CACNA2D3: variants seen among roughly 807,000 people sequenced by gnomAD.
The protein encoded by CACNA2D3 is voltage-dependent calcium channel subunit alpha-2/delta-3.
A neutral mutation model predicts 160.6 loss-of-function variants in CACNA2D3; 60 were observed. The observed-to-expected ratio is 0.37, with a 90% CI of 0.30 to 0.46. The LOEUF is 0.46. Ranked by LOEUF, CACNA2D3 falls within the 20% of genes least tolerant of loss-of-function variation. The pLI is 1.00. For synonymous variants in CACNA2D3, 558 were observed against 492.9 expected (o/e 1.13, Z -1.75); for missense variants, 1,205 against 1,365.0 (o/e 0.88, Z 1.85).
chr3:54,928,034 C>T, intron 27 of CACNA2D3: 1 of 885,376 alleles, frequency 1.1e-6, no homozygotes. Context: ...TGAACCCTGC[C>T]CTTGCTTTTC....
At chr3:54,249,649 C>G (rs1364859090) in intron 2 of CACNA2D3, among the ~76,000 whole-genome samples, 4 of 132,756 alleles carry the variant, frequency 3.0e-5, no homozygotes, top group African/African-American at 9.7e-5. Context: ...TAGAACAAAT[C>G]TCTCTGTTTA....
chr3:54,284,630 A>G (rs1702964010), intron 2 of CACNA2D3, among the ~76,000 whole-genome samples: 1 of 152,192 alleles, frequency 6.6e-6, no homozygotes, highest in African/African-American at 2.4e-5. Flanking sequence ...GTCTTGATGA[A>G]CAGTGTGAGA....
At chr3:54,403,850 A>G (rs189476595) in intron 4 of CACNA2D3, among the ~76,000 whole-genome samples, 114 of 152,320 alleles carry the variant, frequency 7.5e-4, no homozygotes, top group South Asian at 2.3e-3. Context: ...ATAAGTAACT[A>G]TTAAGAACAA....
At chr3:54,925,199 A>G in intron 27 of CACNA2D3, 1 of 1,611,768 alleles carries the variant, frequency 6.2e-7, no homozygotes, top group Non-Finnish European at 8.5e-7. Flanking sequence ...TCACACTGGA[A>G]AACAGGAGCA....
At position 54,451,229 on chromosome 3, in the gene CACNA2D3, CTTTTTT is replaced by C. The variant is rs71074970; in HGVS notation, c.382-52236_382-52231del. On this transcript the variant is annotated intron_variant, in intron 4 of 37. Coordinates refer to ENST00000474759, the MANE Select transcript of CACNA2D3 (RefSeq NM_018398.3). ...TGTCCCTTTCTGCTGATATAATAAT[CTTTTTT>C]TTTTTTTTTTTTTTTTTTTTTTTTT... Among the ~76,000 whole-genome samples, 136 of 51,712 alleles carry C rather than the reference CTTTTTT, an allele frequency of 2.6e-3. No homozygotes were observed. In the East Asian group the frequency reaches 0.067, roughly 26 times the overall value. 33.9% of individuals were successfully genotyped at this position (51,712 alleles called of 152,430 possible). A position where few individuals can be genotyped will look rare whatever the true frequency, so the allele number is the denominator to read the frequency against.
chr3:54,919,922 C>A (rs1051365775), intron 27 of CACNA2D3, among the ~76,000 whole-genome samples: 2 of 152,174 alleles, frequency 1.3e-5, no homozygotes, highest in Admixed American at 6.5e-5. Flanking sequence ...CTCGCCACAT[C>A]CTCCTCTCAG....
intron 34 of CACNA2D3, among the ~76,000 whole-genome samples, chr3:55,012,268 A>C (rs999119820): frequency 2.6e-5 from 4 of 152,056 alleles, no homozygotes; most frequent in Admixed American, 2.6e-4. Context: ...TACTCCATGC[A>C]TGGTGGGTGG....
At chr3:54,488,950 A>G (rs917705022) in intron 4 of CACNA2D3, among the ~76,000 whole-genome samples, 18 of 152,152 alleles carry the variant, frequency 1.2e-4, no homozygotes, top group Admixed American at 9.8e-4. Context: ...CCAAGGAGGA[A>G]CCAGGATTGT....
At chr3:54,677,487 A>G (rs1418888275) in intron 11 of CACNA2D3, among the ~76,000 whole-genome samples, 1 of 152,242 alleles carries the variant, frequency 6.6e-6, no homozygotes, top group Non-Finnish European at 1.5e-5. Flanking sequence ...GTTCTCTTCA[A>G]ATAAGCATTG....
intron 11 of CACNA2D3, among the ~76,000 whole-genome samples, chr3:54,743,419 A>C (rs985209476): frequency 1.3e-5 from 2 of 152,132 alleles, no homozygotes; most frequent in Non-Finnish European, 2.9e-5. Context: ...AGAAAGCCAG[A>C]AGGAGTTGGT....
chr3:54,802,569 G>A (rs1004917913), intron 13 of CACNA2D3, among the ~76,000 whole-genome samples: 24 of 152,190 alleles, frequency 1.6e-4, no homozygotes, highest in South Asian at 8.3e-4. Flanking sequence ...CTGCCATGGT[G>A]TGTACCTAAG....
At chr3:54,253,033 A>G (rs1455375899) in intron 2 of CACNA2D3, among the ~76,000 whole-genome samples, 4 of 151,084 alleles carry the variant, frequency 2.6e-5, no homozygotes, top group East Asian at 1.9e-4. Context: ...TTCGGTGCCC[A>G]TTTTGTTTAC....
At chr3:54,628,009 G>A in intron 10 of CACNA2D3, 133 bp downstream of exon 10, 1 of 664,248 alleles carries the variant, frequency 1.5e-6, no homozygotes, top group African/African-American at 1.8e-5. Flanking sequence ...GAGATGGGCG[G>A]ATCATGAGGT....
chr3:54,122,730 C>T lies in CACNA2D3; in HGVS notation c.17C>T (p.Ser6Leu), dbSNP rs1021889459. 2.7e-5 allele frequency: 33 copies of T among 1,207,996 alleles called. No homozygotes were observed. The highest frequency in any genetic ancestry group is 2.2e-4 in the Admixed American group (5 of 22,682). 74.8% of individuals were successfully genotyped at this position (1,207,996 alleles called of 1,614,324 possible). A position where few individuals can be genotyped will look rare whatever the true frequency, so the allele number is the denominator to read the frequency against. Residue 6 changes from serine to leucine, a missense_variant, in exon 1 of 38, where the codon TCG (serine) becomes TTG (leucine). Around this residue, in one of 3 missense-constraint regions of CACNA2D3, gnomAD observed 163 missense variants for 161.3 expected, o/e 1.01. Coordinates refer to ENST00000474759, the MANE Select transcript of CACNA2D3 (RefSeq NM_018398.3). ...GAGCCCAGCATGGCCGGGCCGGGCT[C>T]GCCGCGCCGCGCGTCCCGGGGGGCC... Reference protein sequence around the residue: MAGPGSPRRASRGASA... With the variant: MAGPGLPRRASRGASA...
intron 4 of CACNA2D3, among the ~76,000 whole-genome samples, chr3:54,476,639 G>T (rs1417482318): frequency 6.6e-6 from 1 of 152,138 alleles, no homozygotes; most frequent in East Asian, 1.9e-4. Flanking sequence ...GTTTTGATTT[G>T]CATTTCCCTG....
chr3:55,049,924 A>G (rs1704151024), intron 35 of CACNA2D3, among the ~76,000 whole-genome samples: 1 of 150,372 alleles, frequency 6.7e-6, no homozygotes. Flanking sequence ...TAGGATTGCA[A>G]CCCCTGCCTT....
intron 27 of CACNA2D3, among the ~76,000 whole-genome samples, chr3:54,921,842 A>G (rs2106932400): frequency 6.6e-6 from 1 of 152,280 alleles, no homozygotes; most frequent in Admixed American, 6.5e-5. Context: ...TATATAACTA[A>G]AGTCTGGGCT....
intron 21 of CACNA2D3, among the ~76,000 whole-genome samples, chr3:54,883,822 T>C (rs994231598): frequency 1.6e-5 from 2 of 123,268 alleles, no homozygotes; most frequent in Non-Finnish European, 3.5e-5. Context: ...TCTCTCTCTC[T>C]CCTCTCTCTC....
chr3:55,025,888 C>G (rs1036305232), intron 35 of CACNA2D3, among the ~76,000 whole-genome samples: 1 of 151,624 alleles, frequency 6.6e-6, no homozygotes, highest in Non-Finnish European at 1.5e-5. Flanking sequence ...AGAAGCAGAA[C>G]AATAAAGCCC....
Sources: gnomAD v4.1 joint callset for allele counts (sites outside exome capture counted in the v4.1 genomes callset) on GRCh38, gnomAD v4.1.1 for gene constraint, gnomAD v4.1.1 regional missense constraint, MANE v1.5 for transcripts, NCBI Gene and HGNC (gene_info 2026-07-23, HGNC 2026-07-21) for gene names.